The following PARL variants were observed in gnomAD, a reference collection of about 807,000 sequenced individuals.
PARL encodes the protein presenilin-associated rhomboid-like protein, mitochondrial.
In PARL, 44 loss-of-function variants were observed where a neutral mutation model predicts 51.6. The observed-to-expected ratio is 0.85, with a 90% CI of 0.67 to 1.10. The LOEUF is 1.10. PARL is among the 50% of genes least tolerant of loss of function. The probability of loss-of-function intolerance (pLI) is 0.00; values close to 1 mark genes in which losing one functional copy is unlikely to be tolerated. For missense variants in PARL, 441 were observed against 469.5 expected (o/e 0.94, Z 0.56); for synonymous variants, 172 against 164.0 (o/e 1.05, Z -0.37).
At chr3:183,840,673 T>G (rs2108606316) in intron 6 of PARL, 33 bp from the exon 7 acceptor site, 2 of 1,101,054 alleles carry the variant, frequency 1.8e-6, no homozygotes, top group Non-Finnish European at 1.4e-6. Flanking sequence ...ATAATTTAAG[T>G]GAGGTATAAA....
chr3:183,866,500 C>A (rs990061911), intron 3 of PARL, 125 bp downstream of exon 3: 1 of 788,860 alleles, frequency 1.3e-6, no homozygotes. Context: ...ATATTCAGTT[C>A]CTCAGATTTC....
At chr3:183,882,204 T>TAAAAAAAAAAAA (rs1209073220) in intron 1 of PARL, among the ~76,000 whole-genome samples, 1 of 61,468 alleles carries the variant, frequency 1.6e-5, no homozygotes, top group Non-Finnish European at 2.9e-5. Context: ...ACAATGTCTC[T>TAAAAAAAAAAAA]AAAAAAAAAA....
chr3:183,832,510 C>A (rs966785633), intron 9 of PARL, among the ~76,000 whole-genome samples: 5 of 152,096 alleles, frequency 3.3e-5, no homozygotes, highest in Admixed American at 1.3e-4. Flanking sequence ...TGAGCCACTG[C>A]ACCTGGCCAG....
chr3:183,874,411 C>CTT (rs71629997), intron 1 of PARL, among the ~76,000 whole-genome samples: 6,255 of 140,918 alleles, frequency 0.044, 189 homozygotes, highest in Middle Eastern at 0.093. Flanking sequence ...TAGAAATAAT[C>CTT]TTTTTTTTTT....
At chr3:183,866,378 G>C (rs1202319915) in intron 3 of PARL, among the ~76,000 whole-genome samples, 1 of 151,964 alleles carries the variant, frequency 6.6e-6, no homozygotes, top group Non-Finnish European at 1.5e-5. Context: ...TCAAAACCTG[G>C]GATTACCAGT....
Position 183,882,251 on chromosome 3 carries a change from A to ATATT in PARL, c.125+2470_125+2471insAATA, listed in dbSNP as rs1553906104. Among the ~76,000 whole-genome samples the ATATT allele has an allele frequency of 3.0e-4, 15 of 50,682 alleles. No individual in the cohort carries two copies. In the East Asian group the frequency reaches 3.2e-3, roughly 11 times the overall value. The allele number at this position is 50,682 out of a possible 152,430, so 33.2% of individuals were successfully genotyped here. A position where few individuals can be genotyped will look rare whatever the true frequency, so the allele number is the denominator to read the frequency against. ...TATATATATATATATATATTTATATATATATATATATATATATTTATATAT... is the reference window on the plus strand; with the variant it reads ...TATATATATATATATATATTTATATATATTTATATATATATATATATTTATATAT... On this transcript the variant is annotated intron_variant, in intron 1 of 9. Coordinates refer to ENST00000317096, the MANE Select transcript of PARL (RefSeq NM_018622.7).
chr3:183,882,220 AAAAT>A (rs1194012864), intron 1 of PARL, among the ~76,000 whole-genome samples: 1 of 60,878 alleles, frequency 1.6e-5, no homozygotes, highest in Non-Finnish European at 2.7e-5. Flanking sequence ...AAAAAAAAAA[AAAAT>A]ATATATATAT....
chr3:183,876,866 AG>A (rs1191583809), intron 1 of PARL, among the ~76,000 whole-genome samples: 3 of 152,132 alleles, frequency 2.0e-5, no homozygotes, highest in Admixed American at 2.0e-4. Context: ...TATGACTTTG[AG>A]GGGCTCAAGA....
chr3:183,843,167 A>C, intron 5 of PARL: 1 of 976,584 alleles, frequency 1.0e-6, no homozygotes, highest in African/African-American at 1.7e-5. Flanking sequence ...TATAGATGTG[A>C]GTCACTATGC....
intron 3 of PARL, 22 bp downstream of exon 3, chr3:183,866,603 A>G: frequency 6.2e-7 from 1 of 1,605,194 alleles, no homozygotes; most frequent in Non-Finnish European, 8.5e-7. Context: ...ACTAGAAGAA[A>G]GAAAGCAGTG....
intron 1 of PARL, chr3:183,883,640 C>T (rs1734804503): frequency 1.0e-6 from 1 of 985,208 alleles, no homozygotes; most frequent in Non-Finnish European, 1.2e-6. Flanking sequence ...CATCTGTCCT[C>T]ATTTTCCACC....
At chr3:183,826,749 AGGGGCC>A, downstream of PARL, 1 of 985,424 alleles carries the variant, frequency 1.0e-6, no homozygotes, top group Non-Finnish European at 1.2e-6. Context: ...AATGACACAC[AGGGGCC>A]GGGTCAGAGT....
intron 2 of PARL, among the ~76,000 whole-genome samples, chr3:183,867,159 C>T (rs1196295710): frequency 6.6e-6 from 1 of 152,016 alleles, no homozygotes; most frequent in African/African-American, 2.4e-5. Flanking sequence ...GGTGATCCAC[C>T]CACCTTGGCC....
chr3:183,880,835 A>G (rs1470991560), intron 1 of PARL, among the ~76,000 whole-genome samples: 2 of 151,960 alleles, frequency 1.3e-5, no homozygotes, highest in Non-Finnish European at 2.9e-5. Flanking sequence ...TCTTTTTTTG[A>G]GACAGGGTTG....
chr3:183,844,099 C>T, intron 5 of PARL, 132 bp downstream of exon 5: 1 of 743,176 alleles, frequency 1.3e-6, no homozygotes, highest in Admixed American at 1.9e-5. Context: ...AAGGAGCTTA[C>T]AGCCTATCCT....
chr3:183,872,906 T>C (rs1394667490), intron 1 of PARL, among the ~76,000 whole-genome samples: 2 of 152,146 alleles, frequency 1.3e-5, no homozygotes, highest in Admixed American at 6.5e-5. Flanking sequence ...GACACTAACC[T>C]TGACATTTTT....
At chr3:183,846,283 C>T (rs767824972) in intron 4 of PARL, among the ~76,000 whole-genome samples, 10 of 152,166 alleles carry the variant, frequency 6.6e-5, no homozygotes, top group African/African-American at 2.4e-4. Flanking sequence ...CACCTGAGGT[C>T]GGGAGTTCGA....
At chr3:183,844,661 CAG>C (rs1729743955) in intron 4 of PARL, 1 of 247,072 alleles carries the variant, frequency 4.0e-6, no homozygotes, top group Non-Finnish European at 8.0e-6. Flanking sequence ...AAACCAAAGA[CAG>C]AAGTAATATA....
chr3:183,879,879 A>ATTTTTTTTTT (rs532111761), intron 1 of PARL: 109 of 131,290 alleles, frequency 8.3e-4, no homozygotes, highest in African/African-American at 2.3e-3. Context: ...ACCAGGACTG[A>ATTTTTTTTTT]TTTTTTTTTT....
Sources: allele counts gnomAD v4.1 joint callset (sites outside exome capture counted in the v4.1 genomes callset), GRCh38; gene constraint gnomAD v4.1.1; transcripts MANE v1.5; gene names NCBI Gene and HGNC (gene_info 2026-07-23, HGNC 2026-07-21).